ERICH6B: variants seen among roughly 807,000 people sequenced by gnomAD.
The protein encoded by ERICH6B is glutamate-rich protein 6B.
A neutral mutation model predicts 80.0 loss-of-function variants in ERICH6B; 69 were observed. The observed-to-expected ratio is 0.86, with a 90% CI of 0.71 to 1.05. ERICH6B has a LOEUF of 1.05. Among genes scored for constraint, ERICH6B ranks in the 50% least tolerant of loss-of-function variants. ERICH6B has a pLI of 0.00. For missense variants in ERICH6B, 754 were observed against 796.1 expected (o/e 0.95, Z 0.64); for synonymous variants, 283 against 291.9 (o/e 0.97, Z 0.31).
At chr13:45,542,387 T>A (rs1873815634) in intron 14 of ERICH6B, among the ~76,000 whole-genome samples, 3 of 152,206 alleles carry the variant, frequency 2.0e-5, no homozygotes, top group Non-Finnish European at 4.4e-5. Flanking sequence ...GAGGCGCCTG[T>A]TCTTCCCTGG....
chr13:45,550,674 T>C (rs1019532266), intron 11 of ERICH6B, among the ~76,000 whole-genome samples: 1 of 152,142 alleles, frequency 6.6e-6, no homozygotes, highest in African/African-American at 2.4e-5. Context: ...GTCCCCAGGG[T>C]TGGTTCCTTC....
chr13:45,607,687 T>G (rs1215418632), intron 1 of ERICH6B, 72 bp from the exon 2 acceptor site: 1 of 152,264 alleles, frequency 6.6e-6, no homozygotes, highest in Admixed American at 6.5e-5. Context: ...TTAGTAATGC[T>G]GGAAAATAGA....
chr13:45,542,838 G>C (rs1212024538), intron 14 of ERICH6B, among the ~76,000 whole-genome samples: 1 of 152,220 alleles, frequency 6.6e-6, no homozygotes, highest in African/African-American at 2.4e-5. Context: ...CAGCAGGCCA[G>C]GCCTGTGTGG....
At chr13:45,606,529 A>ATG (rs1949864128) in intron 2 of ERICH6B, among the ~76,000 whole-genome samples, 1 of 23,108 alleles carries the variant, frequency 4.3e-5, no homozygotes. Context: ...ATATATATAT[A>ATG]TATATATATA....
chr13:45,566,184 G>A (rs188280454), intron 9 of ERICH6B, among the ~76,000 whole-genome samples: 53 of 152,350 alleles, frequency 3.5e-4, no homozygotes, highest in African/African-American at 1.3e-3. Context: ...AAGCATTCAA[G>A]AGGTGACTTG....
Position 45,574,899 on chromosome 13 carries a change from C to T in ERICH6B, c.993G>A (p.Trp331Ter). 6.4e-7 allele frequency: 1 copy of T among 1,551,414 alleles called. No homozygotes were observed. Among genetic ancestry groups the T allele is most frequent in the South Asian group, 1.2e-5 (1 of 84,034 alleles). The part of the protein sequence containing the change: ...VLEFASKENF[W>*]DGITDESIDK... ...CAATGGACTCATCTGTTATACCATC[C>T]CAAAAGTTCTCTTTAGAAGCAAACT... Residue 331 changes from tryptophan to a stop codon, truncating the protein, a stop_gained, in exon 8 of 15, where the codon TGG becomes TGA. Transcript: ENST00000298738. LOFTEE classifies it high-confidence loss of function.
chr13:45,607,371 A>C (rs1949874136), intron 2 of ERICH6B, among the ~76,000 whole-genome samples, 193 bp downstream of exon 2: 1 of 152,214 alleles, frequency 6.6e-6, no homozygotes, highest in Non-Finnish European at 1.5e-5. Context: ...ATAATGAGAA[A>C]TGCAATGCAT....
chr13:45,580,310 A>G (rs985532252), intron 6 of ERICH6B, among the ~76,000 whole-genome samples: 3 of 152,238 alleles, frequency 2.0e-5, no homozygotes, highest in Non-Finnish European at 2.9e-5. Flanking sequence ...TGAACTAAGT[A>G]TGGGTAACAA....
At chr13:45,602,650 T>A (rs1949833888) in intron 2 of ERICH6B, among the ~76,000 whole-genome samples, 1 of 152,214 alleles carries the variant, frequency 6.6e-6, no homozygotes, top group Non-Finnish European at 1.5e-5. Flanking sequence ...TCAAACTCAC[T>A]GTGCCTAAAC....
chr13:45,589,161 C>T (rs1295571282), intron 4 of ERICH6B, among the ~76,000 whole-genome samples: 2 of 152,168 alleles, frequency 1.3e-5, no homozygotes, highest in East Asian at 3.8e-4. Flanking sequence ...TTTGGGTTCT[C>T]AGCTTTCTCA....
intron 14 of ERICH6B, among the ~76,000 whole-genome samples, 174 bp from the exon 15 acceptor site, chr13:45,541,854 G>T (rs1414510024): frequency 6.6e-6 from 1 of 152,188 alleles, no homozygotes; most frequent in Non-Finnish European, 1.5e-5. Flanking sequence ...TTCCAAATAC[G>T]CTCACTTGGC....
intron 9 of ERICH6B, among the ~76,000 whole-genome samples, chr13:45,567,115 G>A (rs866354345): frequency 3.3e-5 from 5 of 152,176 alleles, no homozygotes; most frequent in African/African-American, 9.7e-5. Flanking sequence ...TAGCCCCTTC[G>A]TTTTGGCCAA....
chr13:45,561,823 C>T (rs936051917), intron 10 of ERICH6B, among the ~76,000 whole-genome samples: 6 of 152,122 alleles, frequency 3.9e-5, no homozygotes, highest in African/African-American at 1.4e-4. Flanking sequence ...TGATGGTCAA[C>T]CTGTACAGAT....
intron 13 of ERICH6B, among the ~76,000 whole-genome samples, chr13:45,546,638 T>C (rs1197509831): frequency 6.6e-6 from 1 of 152,156 alleles, no homozygotes; most frequent in Non-Finnish European, 1.5e-5. Context: ...ATACCTGTCT[T>C]GCATCTACCC....
intron 5 of ERICH6B, among the ~76,000 whole-genome samples, chr13:45,584,806 A>G (rs2138006824): frequency 6.6e-6 from 1 of 152,300 alleles, no homozygotes; most frequent in East Asian, 1.9e-4. Flanking sequence ...CCAAGTGACC[A>G]GGCGGCTTCT....
At chr13:45,586,698 T>C (rs368593987) in intron 5 of ERICH6B, among the ~76,000 whole-genome samples, 1 of 152,118 alleles carries the variant, frequency 6.6e-6, no homozygotes. Flanking sequence ...AGCCAGTGTG[T>C]AATCTGGGAA....
intron 3 of ERICH6B, among the ~76,000 whole-genome samples, chr13:45,593,166 G>T (rs1378846529): frequency 6.6e-6 from 1 of 152,202 alleles, no homozygotes; most frequent in Non-Finnish European, 1.5e-5. Context: ...ACTTTGGGGG[G>T]AATCAACCCT....
rs1258750704 is a variant in ERICH6B at position 45,614,067 on chromosome 13, G to A, written c.-111+1618C>T. ...TGGTGCAAGAGAAGCCTTGAGCTTCGGTAGACAGTTGTATGTGTCCCTTCC... is the reference window on the plus strand; with the variant it reads ...TGGTGCAAGAGAAGCCTTGAGCTTCAGTAGACAGTTGTATGTGTCCCTTCC... On this transcript the variant is annotated intron_variant, in intron 1 of 14. Coordinates refer to ENST00000298738, the MANE Select transcript of ERICH6B (RefSeq NM_182542.3). Among the ~76,000 whole-genome samples the A allele has an allele frequency of 3.9e-5, 6 of 152,108 alleles. No individual in the cohort carries two copies. In the East Asian group the frequency reaches 5.8e-4, roughly 15 times the overall value.
At chr13:45,576,181 G>A (rs535769028) in intron 7 of ERICH6B, among the ~76,000 whole-genome samples, 1 of 152,302 alleles carries the variant, frequency 6.6e-6, no homozygotes, top group South Asian at 2.1e-4. Flanking sequence ...GAATTTTACT[G>A]GGCTGGGGCT....
Sources: allele counts gnomAD v4.1 joint callset (sites outside exome capture counted in the v4.1 genomes callset), GRCh38; gene constraint gnomAD v4.1.1; transcripts MANE v1.5; gene names NCBI Gene and HGNC (gene_info 2026-07-23, HGNC 2026-07-21).